The following MAGEC3 variants were observed in gnomAD, a reference collection of about 807,000 sequenced individuals.
MAGEC3 encodes melanoma-associated antigen C3.
In MAGEC3, 34 loss-of-function variants were observed where a neutral mutation model predicts 35.3. That is an observed-to-expected ratio of 0.96 (90% CI 0.73 to 1.28). The LOEUF (loss-of-function observed/expected upper bound fraction) is 1.28, where lower values mean the gene tolerates loss of function less well. Among genes scored for constraint, MAGEC3 ranks in the 50% most tolerant of loss-of-function variants. The pLI, the probability that MAGEC3 is intolerant of heterozygous loss-of-function variation, is 0.00. For missense variants in MAGEC3, 561 were observed against 483.6 expected (o/e 1.16, Z -1.50); for synonymous variants, 202 against 185.6 (o/e 1.09, Z -0.72).
rs771574944 is a variant in MAGEC3, at chrX:141,839,669, A to G, written c.123+1231A>G. The G allele has an allele frequency of 1.1e-4, 78 of 737,492 alleles. No homozygotes were observed. In the African/African-American group the frequency reaches 1.6e-3, roughly 15 times the overall value. The allele number at this position is 737,492 out of a possible 1,213,427, so 60.8% of individuals were successfully genotyped here. On this transcript the variant is annotated intron_variant, in intron 1 of 7. Transcript: ENST00000298296. ...TATTTTATAAATATGAATTGTTTAT[A>G]TGCATTTCTAATATGTCAAATGCTT...
At chrX:141,853,112 T>A (rs1421505585) in intron 1 of MAGEC3, among the ~76,000 whole-genome samples, 2 of 111,520 alleles carry the variant, frequency 1.8e-5, no homozygotes, top group African/African-American at 6.5e-5. Flanking sequence ...GATTTCTATG[T>A]GTTATTTGTA....
At chrX:141,858,700 G>C (rs1047195319) in intron 1 of MAGEC3, among the ~76,000 whole-genome samples, 1 of 110,038 alleles carries the variant, frequency 9.1e-6, no homozygotes, top group Non-Finnish European at 1.9e-5. Context: ...CACCATGGAA[G>C]CCCTTGTTAA....
At chrX:141,840,050 A>T in intron 1 of MAGEC3, 6 of 739,609 alleles carry the variant, frequency 8.1e-6, no homozygotes, top group Non-Finnish European at 9.6e-6. Flanking sequence ...TCTTCTGGTC[A>T]GAATGTGCAC....
At chrX:141,895,814 G>C (rs1353813478) in intron 6 of MAGEC3, among the ~76,000 whole-genome samples, 1 of 110,670 alleles carries the variant, frequency 9.0e-6, no homozygotes, top group Non-Finnish European at 1.9e-5. Context: ...GTTGCCTCCA[G>C]TTGGCAGAGG....
intron 2 of MAGEC3, among the ~76,000 whole-genome samples, chrX:141,868,370 G>T (rs1214761098): frequency 9.0e-6 from 1 of 111,685 alleles, no homozygotes; most frequent in Non-Finnish European, 1.9e-5. Flanking sequence ...AGTTTAAACT[G>T]TAGCAAATAA....
chrX:141,874,995 A>C (rs1371027664), intron 2 of MAGEC3, among the ~76,000 whole-genome samples: 1 of 111,775 alleles, frequency 8.9e-6, no homozygotes, highest in Non-Finnish European at 1.9e-5. Flanking sequence ...TGATAAATAA[A>C]AATGTTCATT....
chrX:141,881,354 A>G (rs1238388837), intron 3 of MAGEC3, 49 bp from the exon 4 acceptor site: 7 of 1,153,126 alleles, frequency 6.1e-6, no homozygotes, highest in African/African-American at 5.5e-5. Flanking sequence ...AGCCCATTCA[A>G]TGAAGAGCCT....
rs1291418576 is a variant in MAGEC3, at chrX:141,852,858, C to T, written c.124-12613C>T. ...TTTTGAGGATTTTTGAATATATAGT[C>T]ACATGAGATATTGGTTTGTAGTTTT... On this transcript the variant is annotated intron_variant, in intron 1 of 7. Coordinates refer to ENST00000298296, the MANE Select transcript of MAGEC3 (RefSeq NM_138702.1). Among the ~76,000 whole-genome samples, 3 of 111,085 alleles carry T rather than the reference C, an allele frequency of 2.7e-5. No individual in the cohort carries two copies. The Admixed American group carries it at 2.9e-4, about 11-fold the overall frequency.
intron 4 of MAGEC3, among the ~76,000 whole-genome samples, chrX:141,891,928 C>G (rs1427558106): frequency 1.8e-5 from 2 of 109,518 alleles, no homozygotes; most frequent in African/African-American, 6.6e-5. Flanking sequence ...GTTATTAATG[C>G]TGGCCCTAAT....
chrX:141,840,029 G>A (rs1387299841), intron 1 of MAGEC3: 29 of 749,769 alleles, frequency 3.9e-5, no homozygotes, highest in Non-Finnish European at 3.0e-5. Context: ...CCAAAAATTT[G>A]CTGCATTTTT....
At chrX:141,896,006 G>T (rs1169417461) in intron 6 of MAGEC3, among the ~76,000 whole-genome samples, 2 of 110,876 alleles carry the variant, frequency 1.8e-5, no homozygotes, top group Non-Finnish European at 3.8e-5. Flanking sequence ...CAGAAGAGTG[G>T]TAGGGACATG....
At chrX:141,895,431 A>T (rs2124130357) in intron 5 of MAGEC3, 24 bp downstream of exon 5, 1 of 1,208,257 alleles carries the variant, frequency 8.3e-7, no homozygotes, top group East Asian at 3.0e-5. Context: ...GGGAGAACTG[A>T]GGGACTTCGC....
At chrX:141,865,433 C>CGTAT in intron 1 of MAGEC3, 38 bp from the exon 2 acceptor site, 1 of 1,163,026 alleles carries the variant, frequency 8.6e-7, no homozygotes, top group Non-Finnish European at 1.2e-6. Context: ...TAGAGGTTGC[C>CGTAT]CCAGCCTAGT....
intron 1 of MAGEC3, among the ~76,000 whole-genome samples, chrX:141,859,119 C>T (rs147210345): frequency 0.028 from 3,015 of 108,510 alleles, 48 homozygotes; most frequent in African/African-American, 0.056. Flanking sequence ...TCCTCGGGAA[C>T]CCTAGAGCAT....
intron 4 of MAGEC3, among the ~76,000 whole-genome samples, chrX:141,890,331 A>G (rs963296388): frequency 1.8e-5 from 2 of 111,082 alleles, no homozygotes; most frequent in Non-Finnish European, 3.8e-5. Context: ...CAGCCTCCCA[A>G]GTAGCTGGGA....
chrX:141,865,757 G>A, intron 2 of MAGEC3, 152 bp downstream of exon 2: 1 of 567,036 alleles, frequency 1.8e-6, no homozygotes, highest in South Asian at 4.9e-5. Flanking sequence ...CCTGAGGGAG[G>A]TGAGGCTTCC....
intron 1 of MAGEC3, among the ~76,000 whole-genome samples, chrX:141,842,166 C>T (rs1315960821): frequency 9.0e-6 from 1 of 111,464 alleles, no homozygotes; most frequent in Non-Finnish European, 1.9e-5. Context: ...TTAAGATAAA[C>T]TTAAATTATT....
Position 141,897,681 on chromosome X carries a change from G to C in MAGEC3, c.1781G>C (p.Ser594Thr). The change falls in exon 8 of 8, where the codon AGT (serine) becomes ACT (threonine). Residue 594 changes from serine to threonine, a missense_variant. By Grantham distance (58) the Ser-to-Thr change is moderately conservative. Coordinates refer to ENST00000298296, the MANE Select transcript of MAGEC3 (RefSeq NM_138702.1). Reference sequence around the variant, plus strand: ...TTAGAGTTTTTATCCAAGCTATCCAGTATCATCCCTAGTGCCTTTCCATCC... The same window carrying C: ...TTAGAGTTTTTATCCAAGCTATCCACTATCATCCCTAGTGCCTTTCCATCC... ...EVLEFLSKLS[S>T]IIPSAFPSWY... 8.3e-7 allele frequency: 1 copy of C among 1,211,720 alleles called. No individual in the cohort carries two copies. Among genetic ancestry groups the C allele is most frequent in the East Asian group, 3.0e-5 (1 of 33,841 alleles).
chrX:141,876,782 A>G (rs1196835517), intron 2 of MAGEC3, among the ~76,000 whole-genome samples: 1 of 112,160 alleles, frequency 8.9e-6, no homozygotes, highest in Non-Finnish European at 1.9e-5. Flanking sequence ...ACTGACACTT[A>G]TTTCAAGAAG....
Sources: gnomAD v4.1 joint callset for allele counts (sites outside exome capture counted in the v4.1 genomes callset) on GRCh38, gnomAD v4.1.1 for gene constraint, MANE v1.5 for transcripts, NCBI Gene and HGNC (gene_info 2026-07-23, HGNC 2026-07-21) for gene names.